Variants in RASSF4 observed in about 807,000 individuals in gnomAD.
RASSF4 encodes the protein ras association domain-containing protein 4.
A neutral mutation model predicts 41.1 loss-of-function variants in RASSF4; 38 were observed. The ratio of observed to expected loss-of-function variants is 0.92; its 90% confidence interval spans 0.71 to 1.21. The LOEUF is 1.21. Among genes scored for constraint, RASSF4 ranks in the 50% most tolerant of loss-of-function variants. The pLI, the probability that RASSF4 is intolerant of heterozygous loss-of-function variation, is 0.00. For synonymous variants in RASSF4, 179 were observed against 163.4 expected (o/e 1.10, Z -0.73); for missense variants, 414 against 419.4 (o/e 0.99, Z 0.11).
At chr10:44,989,619 C>A (rs377123809) in intron 7 of RASSF4, 51 bp from the exon 8 acceptor site, 13 of 1,564,326 alleles carry the variant, frequency 8.3e-6, no homozygotes, top group Non-Finnish European at 1.1e-5. Context: ...CCTCTCAGTT[C>A]TCTCCCATCT....
intron 3 of RASSF4, 64 bp from the exon 4 acceptor site, chr10:44,982,457 C>T (rs1390095734): frequency 6.3e-7 from 1 of 1,594,550 alleles, no homozygotes; most frequent in South Asian, 1.1e-5. Flanking sequence ...CATCCCATCC[C>T]TAGGGGGCAC....
chr10:44,965,993 G>A (rs1300965698), intron 1 of RASSF4, among the ~76,000 whole-genome samples: 1 of 152,220 alleles, frequency 6.6e-6, no homozygotes, highest in African/African-American at 2.4e-5. Flanking sequence ...TTTTCAAGTA[G>A]TATTACCCAG....
At chr10:44,961,031 T>C (rs375923265) in intron 1 of RASSF4, among the ~76,000 whole-genome samples, 36 of 151,916 alleles carry the variant, frequency 2.4e-4, no homozygotes, top group African/African-American at 8.7e-4. Context: ...AGGGAGAGGG[T>C]CAGAGGAGAA....
At chr10:44,962,700 A>G (rs1840751010) in intron 1 of RASSF4, among the ~76,000 whole-genome samples, 1 of 152,256 alleles carries the variant, frequency 6.6e-6, no homozygotes, top group Non-Finnish European at 1.5e-5. Context: ...AACCATAGCT[A>G]AGAAGATCTT....
chr10:44,978,464 C>A (rs1479991819), intron 3 of RASSF4, among the ~76,000 whole-genome samples: 3 of 152,170 alleles, frequency 2.0e-5, no homozygotes, highest in Non-Finnish European at 2.9e-5. Flanking sequence ...ATGAAATAAC[C>A]CCTGAATCCC....
chr10:44,980,342 A>G (rs1841653425), intron 3 of RASSF4, among the ~76,000 whole-genome samples: 1 of 152,208 alleles, frequency 6.6e-6, no homozygotes, highest in South Asian at 2.1e-4. Context: ...TGAATTTATT[A>G]GCAATGAGCA....
intron 1 of RASSF4, among the ~76,000 whole-genome samples, chr10:44,962,822 G>T (rs10900145): frequency 0.38 from 57,267 of 152,066 alleles, 12,144 homozygotes; most frequent in Non-Finnish European, 0.47. Flanking sequence ...AAGGTGTAAG[G>T]GGGGAGCAGG....
chr10:44,984,214 C>T lies in RASSF4; in HGVS notation c.373+101C>T. The T allele has an allele frequency of 4.1e-6, 5 of 1,218,756 alleles. No individual in the cohort carries two copies. The South Asian group carries it at 7.8e-5, about 19-fold the overall frequency. The allele number at this position is 1,218,756 out of a possible 1,614,324, so 75.5% of individuals were successfully genotyped here. A position where few individuals can be genotyped will look rare whatever the true frequency, so the allele number is the denominator to read the frequency against. ...AATCTCCGAAGGACAGCTTTGTGCCCCAGCCAACGAGGGGCTTCACCTGCT... is the reference window on the plus strand; with the variant it reads ...AATCTCCGAAGGACAGCTTTGTGCCTCAGCCAACGAGGGGCTTCACCTGCT... On this transcript the variant is annotated intron_variant, in intron 5 of 10. Coordinates refer to ENST00000340258, the MANE Select transcript of RASSF4 (RefSeq NM_032023.4).
intron 1 of RASSF4, among the ~76,000 whole-genome samples, chr10:44,969,594 C>T (rs1260790538): frequency 5.3e-5 from 8 of 152,220 alleles, no homozygotes; most frequent in African/African-American, 1.9e-4. Context: ...GCTCTTGTCC[C>T]TGTCTTCTCA....
intron 1 of RASSF4, among the ~76,000 whole-genome samples, chr10:44,962,744 G>A (rs1253599600): frequency 6.6e-6 from 1 of 152,246 alleles, no homozygotes; most frequent in Non-Finnish European, 1.5e-5. Context: ...ATAGGCTAGA[G>A]GTGAGCCTGG....
intron 6 of RASSF4, among the ~76,000 whole-genome samples, chr10:44,987,430 A>T (rs1029168726): frequency 6.6e-6 from 1 of 152,094 alleles, no homozygotes; most frequent in Non-Finnish European, 1.5e-5. Context: ...AAGAAAGCCT[A>T]ATCCTAATCC....
Position 44,970,247 on chromosome 10 carries a change from C to T in RASSF4, c.45C>T (p.Asp15=), listed in dbSNP as rs769660850. Residue 15 remains aspartate, a synonymous_variant, in exon 2 of 11, where the codon GAC becomes GAT. Coordinates refer to ENST00000340258, the MANE Select transcript of RASSF4 (RefSeq NM_032023.4). ...CGAGTTCTCACGTGCCCATCAGTGA[C>T]AGCAAGTCCATTCAGAAGTAAGCCT... ...CLPSSHVPIS[D]SKSIQKSELL... is the part of the protein sequence containing the mutation. 4.3e-6 allele frequency: 7 copies of T among 1,613,956 alleles called. No homozygotes were observed. The Admixed American group carries it at 1.0e-4, about 23-fold the overall frequency.
intron 6 of RASSF4, among the ~76,000 whole-genome samples, chr10:44,987,993 G>T (rs557227782): frequency 6.6e-6 from 1 of 152,142 alleles, no homozygotes; most frequent in Non-Finnish European, 1.5e-5. Flanking sequence ...ATAGGTCCTT[G>T]AGCTCTCTGA....
rs201691089 is a variant in RASSF4 at position 44,984,836 on chromosome 10, G to A, written c.397G>A (p.Ala133Thr). 2.5e-6 allele frequency: 4 copies of A among 1,613,604 alleles called. No individual in the cohort carries two copies. The highest frequency in any genetic ancestry group is 3.4e-6 in the Non-Finnish European group (4 of 1,179,976). The part of the protein sequence containing the change: ...SSGPLEEAEE[A>T]PQLMRTKSDA... ...AGGGCCCCTGGAGGAGGCAGAGGAG[G>A]CCCCCCAGCTGATGCGGACCAAGAG... Residue 133 changes from alanine (A) to threonine (T), a missense_variant, in exon 6 of 11, where the codon GCC becomes ACC. Transcript: ENST00000340258.
intron 3 of RASSF4, chr10:44,978,579 T>A (rs952592183): frequency 2.6e-5 from 4 of 152,476 alleles, no homozygotes; most frequent in Non-Finnish European, 4.4e-5. Flanking sequence ...AAAGCCCTTG[T>A]GTTTTGTCTC....
rs61605703 is a variant in RASSF4, at chr10:44,975,552, A to AC, written c.138+3706dup. 5.3e-3 allele frequency among the ~76,000 whole-genome samples: 314 copies of AC among 58,862 alleles called. 6 individuals are homozygous for AC. The highest frequency in any genetic ancestry group is 0.021 in the African/African-American group (297 of 14,472). The allele number at this position is 58,862 out of a possible 152,430, so 38.6% of individuals were successfully genotyped here. A position where few individuals can be genotyped will look rare whatever the true frequency, so the allele number is the denominator to read the frequency against. ...CACTCCCCTCTCCATTCCCACCCCCACCTCCACTCCCCTCTCTACCTCCCT... is the reference window on the plus strand; with the variant it reads ...CACTCCCCTCTCCATTCCCACCCCCACCCTCCACTCCCCTCTCTACCTCCCT... On this transcript the variant is annotated intron_variant, in intron 3 of 10. Transcript: ENST00000340258.
intron 9 of RASSF4, 138 bp downstream of exon 9, chr10:44,991,207 C>A: frequency 1.3e-6 from 1 of 744,704 alleles, no homozygotes; most frequent in Non-Finnish European, 2.0e-6. Flanking sequence ...GGGCTCCCAG[C>A]CTAGCACAGG....
chr10:44,978,460 T>C (rs1193630637), intron 3 of RASSF4, among the ~76,000 whole-genome samples: 1 of 152,138 alleles, frequency 6.6e-6, no homozygotes, highest in Non-Finnish European at 1.5e-5. Flanking sequence ...ATGCATGAAA[T>C]AACCCCTGAA....
intron 10 of RASSF4, among the ~76,000 whole-genome samples, chr10:44,992,451 C>T (rs1842150604): frequency 6.6e-6 from 1 of 152,246 alleles, no homozygotes. Context: ...GCTGGAACTC[C>T]CAGCCTCAGC....
Sources: gnomAD v4.1 joint callset for allele counts (sites outside exome capture counted in the v4.1 genomes callset) on GRCh38, gnomAD v4.1.1 for gene constraint, MANE v1.5 for transcripts, NCBI Gene and HGNC (gene_info 2026-07-23, HGNC 2026-07-21) for gene names.